The following SEPTIN9 variants were observed in gnomAD, a reference collection of about 807,000 sequenced individuals.
The protein encoded by SEPTIN9 is septin-9.
SEPTIN9 carries 13 observed loss-of-function variants against 56.6 expected under a neutral mutation model. The observed-to-expected ratio is 0.23, with a 90% CI of 0.15 to 0.37. The LOEUF (loss-of-function observed/expected upper bound fraction) is 0.37, where lower values mean the gene tolerates loss of function less well. Ranked by LOEUF, SEPTIN9 falls within the 10% of genes least tolerant of loss-of-function variation. SEPTIN9 has a pLI of 1.00. For synonymous variants in SEPTIN9, 332 were observed against 334.1 expected (o/e 0.99, Z 0.07); for missense variants, 650 against 823.1 (o/e 0.79, Z 2.57).
In SEPTIN9 at chr17:77,402,357, C is replaced by T. The variant is rs573465338; in HGVS notation, c.375C>T (p.Ile125=). 2.5e-5 allele frequency: 41 copies of T among 1,612,298 alleles called. No homozygotes were observed. The highest frequency in any genetic ancestry group is 3.3e-4 in the Middle Eastern group (2 of 6,060). ...SSKQVENAGA[I]GPSRFGLKRA... is the part of the protein sequence containing the mutation. The stretch of plus-strand genomic sequence containing the variant: ...AGCAGGTGGAGAACGCCGGGGCCAT[C>T]GGCCCGTCCCGGTTCGGGCTCAAGA... Residue 125 remains isoleucine, a synonymous_variant, in exon 3 of 12, where the codon ATC becomes ATT. Transcript: ENST00000427177. The surrounding 1 kb of genome is among the most constrained non-coding windows in gnomAD (Gnocchi z 6.6).
At chr17:77,404,047 G>T (rs1401870248) in intron 3 of SEPTIN9, among the ~76,000 whole-genome samples, 2 of 152,146 alleles carry the variant, frequency 1.3e-5, no homozygotes, top group African/African-American at 4.8e-5. Flanking sequence ...TGCCCATTTT[G>T]TGTCTGGCTC....
intron 3 of SEPTIN9, among the ~76,000 whole-genome samples, chr17:77,418,233 T>C (rs1449866500): frequency 6.6e-6 from 1 of 152,166 alleles, no homozygotes; most frequent in Non-Finnish European, 1.5e-5. Context: ...TTCAGCCTCT[T>C]GTGGGTCTGA....
rs747643759 is a variant in SEPTIN9 at position 77,433,992 on chromosome 17, G to A, written c.721+31289G>A. On this transcript the variant is annotated intron_variant, in intron 3 of 11. Transcript: ENST00000427177. This position sits in a 1 kb window ranked among gnomAD's most constrained non-coding sequence, Gnocchi z 6.4. ...AGAGCTTTCTGGCCTCTGCAGGGAC[G>A]CTGTGTGTGCCTGTGTGAGTCTGGC... Among the ~76,000 whole-genome samples the A allele has an allele frequency of 4.6e-5, 7 of 152,198 alleles. No individual in the cohort carries two copies. The highest frequency in any genetic ancestry group is 1.2e-4 in the African/African-American group (5 of 41,440).
chr17:77,313,039 T>G lies in SEPTIN9; in HGVS notation c.76+5842T>G, dbSNP rs2032565552. Among the ~76,000 whole-genome samples the G allele has an allele frequency of 6.6e-6, 1 of 152,054 alleles. No homozygotes were observed. Among genetic ancestry groups the G allele is most frequent in the South Asian group, 2.1e-4 (1 of 4,826 alleles). Reference sequence around the variant, plus strand: ...CACGTTGGATCCACAAATTCATTGTTTATCCAGTGAACGGTTACTGGGCAC... The same window carrying G: ...CACGTTGGATCCACAAATTCATTGTGTATCCAGTGAACGGTTACTGGGCAC... On this transcript the variant is annotated intron_variant, in intron 2 of 11. Coordinates refer to ENST00000427177, the MANE Select transcript of SEPTIN9 (RefSeq NM_001113491.2). The surrounding 1 kb of genome is among the most constrained non-coding windows in gnomAD (Gnocchi z 4.5).
Position 77,313,880 on chromosome 17 carries a change from G to A in SEPTIN9, c.76+6683G>A, listed in dbSNP as rs893925666. ...TAAGTAGCTGGGACTACAGTTGTGCGCCACCATGACTGGCTAATTCTTAAA... is the reference window on the plus strand; with the variant it reads ...TAAGTAGCTGGGACTACAGTTGTGCACCACCATGACTGGCTAATTCTTAAA... On this transcript the variant is annotated intron_variant, in intron 2 of 11. Coordinates refer to ENST00000427177, the MANE Select transcript of SEPTIN9 (RefSeq NM_001113491.2). This position sits in a 1 kb window ranked among gnomAD's most constrained non-coding sequence, Gnocchi z 4.5. Among the ~76,000 whole-genome samples the A allele has an allele frequency of 1.1e-4, 16 of 152,032 alleles. No individual in the cohort carries two copies. The highest frequency in any genetic ancestry group is 4.1e-4 in the South Asian group (2 of 4,834).
chr17:77,421,292 C>T lies in SEPTIN9; in HGVS notation c.721+18589C>T, dbSNP rs1354924117. 4.6e-5 allele frequency among the ~76,000 whole-genome samples: 7 copies of T among 152,202 alleles called. No homozygotes were observed. Among genetic ancestry groups the T allele is most frequent in the African/African-American group, 9.7e-5 (4 of 41,438 alleles). On this transcript the variant is annotated intron_variant, in intron 3 of 11. Coordinates refer to ENST00000427177, the MANE Select transcript of SEPTIN9 (RefSeq NM_001113491.2). This position sits in a 1 kb window ranked among gnomAD's most constrained non-coding sequence, Gnocchi z 4.6. ...CTGGATTTTGAAATAAGACACCGCCCGTCTGTGGGGTGAGCAGGAACAGAT... is the reference window on the plus strand; with the variant it reads ...CTGGATTTTGAAATAAGACACCGCCTGTCTGTGGGGTGAGCAGGAACAGAT...
chr17:77,321,713 T>C (rs1334491670), intron 2 of SEPTIN9, among the ~76,000 whole-genome samples: 1 of 152,136 alleles, frequency 6.6e-6, no homozygotes, highest in Non-Finnish European at 1.5e-5. Context: ...GATTGTCACG[T>C]TGGGACTGGT....
At chr17:77,488,669 G>T in intron 6 of SEPTIN9, 58 bp from the exon 7 acceptor site, 1 of 1,608,868 alleles carries the variant, frequency 6.2e-7, no homozygotes, top group South Asian at 1.1e-5. Flanking sequence ...GGGAATGCAC[G>T]ACCTGCTTGG....
intron 3 of SEPTIN9, among the ~76,000 whole-genome samples, chr17:77,427,791 G>A (rs979724616): frequency 6.6e-6 from 1 of 152,190 alleles, no homozygotes; most frequent in Non-Finnish European, 1.5e-5. Context: ...GCTGGAACAG[G>A]AGGAGACCAG....
chr17:77,300,342 T>A (rs1339517392), intron 1 of SEPTIN9, among the ~76,000 whole-genome samples: 1 of 49,994 alleles, frequency 2.0e-5, no homozygotes, highest in Admixed American at 2.1e-4. Context: ...ATGAATAAAT[T>A]GACTTTGATC....
intron 2 of SEPTIN9, among the ~76,000 whole-genome samples, chr17:77,352,611 G>GC (rs1203094745): frequency 6.6e-6 from 1 of 151,990 alleles, no homozygotes; most frequent in Non-Finnish European, 1.5e-5. Context: ...CCCCCACCTG[G>GC]CCTTCACCCT....
rs1406271198 is a variant in SEPTIN9 at position 77,450,435 on chromosome 17, A to G, written c.722-31709A>G. 5 of 968,966 alleles carry G rather than the reference A, an allele frequency of 5.2e-6. No homozygotes were observed. The highest frequency in any genetic ancestry group is 1.8e-5 in the African/African-American group (1 of 56,846). The allele number at this position is 968,966 out of a possible 1,614,324, so 60.0% of individuals were successfully genotyped here. A position where few individuals can be genotyped will look rare whatever the true frequency, so the allele number is the denominator to read the frequency against. On this transcript the variant is annotated intron_variant, in intron 3 of 11. Transcript: ENST00000427177. The surrounding 1 kb of genome is among the most constrained non-coding windows in gnomAD (Gnocchi z 6.0). ...CCAAAGGCTTCTTTCCATTTGAGTG[A>G]ATCCCTCCCAGCCCCCAGCAAGCCC... is the stretch of plus-strand genomic sequence containing the variant.
intron 3 of SEPTIN9, among the ~76,000 whole-genome samples, chr17:77,407,064 T>A (rs1056312563): frequency 1.3e-5 from 2 of 151,990 alleles, no homozygotes; most frequent in African/African-American, 4.8e-5. Flanking sequence ...GGCAGATTGC[T>A]TGAGCCCAGG....
chr17:77,477,804 G>A (rs971881920), intron 3 of SEPTIN9, among the ~76,000 whole-genome samples: 5 of 152,198 alleles, frequency 3.3e-5, no homozygotes, highest in African/African-American at 1.2e-4. Context: ...TGCTTTGACT[G>A]TGGGGTGACG....
intron 2 of SEPTIN9, among the ~76,000 whole-genome samples, chr17:77,388,496 C>G (rs766706469): frequency 3.3e-4 from 50 of 152,242 alleles, no homozygotes; most frequent in Non-Finnish European, 6.3e-4. Flanking sequence ...TGTAGGTTCA[C>G]GTGGGGGCTC....
intron 4 of SEPTIN9, among the ~76,000 whole-genome samples, chr17:77,484,451 GTGGTGGTGATTGTGGTGGTGGTGGTGA>G (rs2039592259): frequency 7.6e-6 from 1 of 131,688 alleles, no homozygotes; most frequent in African/African-American, 3.1e-5. Flanking sequence ...GGTGATGGTG[GTGGTGGTGATTGTGGTGGTGGTGGTGA>G]TGATGGTGGT....
At chr17:77,486,553 T>C (rs147689332) in intron 4 of SEPTIN9, among the ~76,000 whole-genome samples, 49 of 151,590 alleles carry the variant, frequency 3.2e-4, no homozygotes, top group African/African-American at 1.2e-3. Flanking sequence ...ATATGTGATT[T>C]GTTTGTGTGT....
At chr17:77,496,019 CTTTTTCTTTTTCTTTTT>C (rs2040242272) in intron 10 of SEPTIN9, among the ~76,000 whole-genome samples, 1 of 149,976 alleles carries the variant, frequency 6.7e-6, no homozygotes, top group East Asian at 1.9e-4. Context: ...CTTTTCTTTT[CTTTTTCTTTTTCTTTTT>C]TTTTTTTTTT....
intron 3 of SEPTIN9, among the ~76,000 whole-genome samples, chr17:77,455,289 C>G (rs2038148753): frequency 6.6e-6 from 1 of 152,180 alleles, no homozygotes; most frequent in African/African-American, 2.4e-5. Flanking sequence ...CTGACATTGA[C>G]CTCCGGCCTC....
Sources: allele counts gnomAD v4.1 joint callset (sites outside exome capture counted in the v4.1 genomes callset), GRCh38; gene constraint gnomAD v4.1.1; non-coding constraint Gnocchi (gnomAD v3.1); transcripts MANE v1.5; gene names NCBI Gene and HGNC (gene_info 2026-07-23, HGNC 2026-07-21).